Variants in ITPR3 observed in about 807,000 individuals in gnomAD.
ITPR3 encodes the protein inositol 1,4,5-trisphosphate-gated calcium channel ITPR3.
ITPR3 carries 173 observed loss-of-function variants against 293.2 expected under a neutral mutation model. The ratio of observed to expected loss-of-function variants is 0.59; its 90% CI spans 0.52 to 0.67. The LOEUF is 0.67. Among genes scored for constraint, ITPR3 ranks in the 30% least tolerant of loss-of-function variants. The pLI is 0.00. For synonymous variants in ITPR3, 1,295 were observed against 1,444.4 expected (o/e 0.90, Z 2.35); for missense variants, 2,796 against 3,592.1 (o/e 0.78, Z 5.66).
chr6:33,678,499 C>T lies in ITPR3; in HGVS notation c.3727C>T (p.Gln1243Ter). The T allele has an allele frequency of 1.2e-6, 2 of 1,613,474 alleles. No individual in the cohort carries two copies. Among genetic ancestry groups the T allele is most frequent in the Non-Finnish European group, 1.7e-6 (2 of 1,179,982 alleles). The change falls in exon 29 of 58, where the codon CAG becomes TAG. Residue 1243 changes from glutamine to a stop codon, truncating the protein, a stop_gained. Coordinates refer to ENST00000605930, the MANE Select transcript of ITPR3 (RefSeq NM_002224.4). LOFTEE classifies it high-confidence loss of function. ...GTTCTGTGCAGGGAACCCCGGCAAC[C>T]AGGCCCTGCTGCACAAACACCTGCA... is the stretch of plus-strand genomic sequence containing the variant. ...QKFCAGNPGNQALLHKHLHLF... is the reference protein window; with the variant it reads ...QKFCAGNPGN
rs941258080 is a variant in ITPR3, at chr6:33,672,767, G to A, written c.2928+539G>A. On this transcript the variant is annotated intron_variant, in intron 22 of 57. Coordinates refer to ENST00000605930, the MANE Select transcript of ITPR3 (RefSeq NM_002224.4). The surrounding 1 kb of genome is among the most constrained non-coding windows in gnomAD (Gnocchi z 5.0). Reference sequence around the variant, plus strand: ...AAGCGGGGAGGTAAAAGCGGGGGCCGGGGGGTGCTTTCCCAAGGTCACAGG... The same window carrying A: ...AAGCGGGGAGGTAAAAGCGGGGGCCAGGGGGTGCTTTCCCAAGGTCACAGG... 3.3e-5 allele frequency among the ~76,000 whole-genome samples: 5 copies of A among 152,028 alleles called. No individual in the cohort carries two copies. Among genetic ancestry groups the A allele is most frequent in the South Asian group, 2.1e-4 (1 of 4,810 alleles).
chr6:33,622,727 C>T (rs1763467499), intron 1 of ITPR3, among the ~76,000 whole-genome samples: 1 of 152,172 alleles, frequency 6.6e-6, no homozygotes, highest in African/African-American at 2.4e-5. Flanking sequence ...CTGGCACCCT[C>T]AGCTCAGGAC....
chr6:33,690,008 C>T, intron 50 of ITPR3, 26 bp from the exon 51 acceptor site: 1 of 1,613,838 alleles, frequency 6.2e-7, no homozygotes, highest in East Asian at 2.2e-5. Context: ...AGGGTGCTGA[C>T]TCTCATGCCT....
chr6:33,626,273 G>A (rs997907572), intron 1 of ITPR3, among the ~76,000 whole-genome samples: 2 of 152,104 alleles, frequency 1.3e-5, no homozygotes, highest in African/African-American at 4.8e-5. Context: ...CCTTCTCAGA[G>A]TGAGTTTCCG....
At chr6:33,674,523 G>A (rs1764855576) in intron 24 of ITPR3, among the ~76,000 whole-genome samples, 1 of 152,210 alleles carries the variant, frequency 6.6e-6, no homozygotes, top group South Asian at 2.1e-4. Flanking sequence ...CAGTGGACTT[G>A]AGTCAGGTAG....
rs570866750 is a variant in ITPR3 at position 33,680,370 on chromosome 6, G to A, written c.4266G>A (p.Val1422=). 2 of 1,477,102 alleles carry A rather than the reference G, an allele frequency of 1.4e-6. No individual in the cohort carries two copies. The highest frequency in any genetic ancestry group is 2.8e-5 in the South Asian group (2 of 71,138). 91.5% of individuals were successfully genotyped at this position (1,477,102 alleles called of 1,614,324 possible). ...AYVNFVNHCY[V]DTEVEMKEIY... is the part of the protein sequence containing the mutation. The stretch of plus-strand genomic sequence containing the variant: ...TGAACTTCGTGAACCACTGCTACGT[G>A]GACACGGAGGTGGAGATGAAGGAGA... Residue 1422 remains valine (V), a synonymous_variant, in exon 32 of 58, where the codon GTG becomes GTA. Coordinates refer to ENST00000605930, the MANE Select transcript of ITPR3 (RefSeq NM_002224.4).
In ITPR3 at chr6:33,679,567, CAG is replaced by C. The variant is rs949187370; in HGVS notation, c.3973-314_3973-313del. Among the ~76,000 whole-genome samples, 23 of 152,244 alleles carry C rather than the reference CAG, an allele frequency of 1.5e-4. No homozygotes were observed. Among genetic ancestry groups the C allele is most frequent in the Admixed American group, 1.1e-3 (17 of 15,290 alleles). ...GGTTTAAGTAACTGCTGCGGGAGCA[CAG>C]GGGAGGGAGGGGGTGAGCAAGGCGG... is the stretch of plus-strand genomic sequence containing the variant. On this transcript the variant is annotated intron_variant, in intron 30 of 57. Coordinates refer to ENST00000605930, the MANE Select transcript of ITPR3 (RefSeq NM_002224.4). This position sits in a 1 kb window ranked among gnomAD's most constrained non-coding sequence, Gnocchi z 4.2.
In ITPR3 at chr6:33,691,238, T is replaced by C. The variant is rs919769662; in HGVS notation, c.7225+129T>C. 3.9e-5 allele frequency: 34 copies of C among 862,860 alleles called. No homozygotes were observed. Among genetic ancestry groups the C allele is most frequent in the Non-Finnish European group, 5.6e-5 (31 of 551,978 alleles). 53.5% of individuals were successfully genotyped at this position (862,860 alleles called of 1,614,324 possible). On this transcript the variant is annotated intron_variant, in intron 52 of 57. Coordinates refer to ENST00000605930, the MANE Select transcript of ITPR3 (RefSeq NM_002224.4). This position sits in a 1 kb window ranked among gnomAD's most constrained non-coding sequence, Gnocchi z 4.9. ...CCCGTCTGCTTCTCCTCTTGGCTTC[T>C]GGGGACGTCTAGCTAACACCAGTCT...
At chr6:33,647,584 G>A (rs1184065166) in intron 2 of ITPR3, among the ~76,000 whole-genome samples, 2 of 151,902 alleles carry the variant, frequency 1.3e-5, no homozygotes, top group African/African-American at 2.4e-5. Flanking sequence ...GATTACTCTT[G>A]GTACCTTATA....
chr6:33,641,845 G>A (rs1438319560), intron 2 of ITPR3, among the ~76,000 whole-genome samples: 1 of 152,106 alleles, frequency 6.6e-6, no homozygotes, highest in Admixed American at 6.6e-5. Context: ...CATCTTCAGC[G>A]AGGCCTTCCC....
intron 56 of ITPR3, 117 bp downstream of exon 56, chr6:33,693,822 T>G (rs1383240076): frequency 3.3e-6 from 4 of 1,203,476 alleles, no homozygotes; most frequent in Non-Finnish European, 4.6e-6. Flanking sequence ...TGGAGAGGAG[T>G]GGCCCTATCT....
Position 33,692,096 on chromosome 6 carries a change from T to C in ITPR3, c.7458+168T>C, listed in dbSNP as rs555313018. 2.6e-5 allele frequency among the ~76,000 whole-genome samples: 4 copies of C among 152,306 alleles called. No individual in the cohort carries two copies. In the South Asian group the frequency reaches 6.2e-4, roughly 24 times the overall value. On this transcript the variant is annotated intron_variant, in intron 54 of 57. Transcript: ENST00000605930. The surrounding 1 kb of genome is among the most constrained non-coding windows in gnomAD (Gnocchi z 4.2). ...TTTCCACACCTGGCCAATTCCATGA[T>C]ATTACTGCTTAGCTGCCCCCTCACC...
intron 2 of ITPR3, among the ~76,000 whole-genome samples, chr6:33,647,219 CT>C (rs1764089629): frequency 1.3e-5 from 2 of 152,030 alleles, no homozygotes; most frequent in African/African-American, 2.4e-5. Flanking sequence ...CAGGGTTTCA[CT>C]GTGTTGCCTA....
At chr6:33,669,219 C>CAA in intron 18 of ITPR3, 63 bp downstream of exon 18, 1 of 1,513,538 alleles carries the variant, frequency 6.6e-7, no homozygotes, top group Non-Finnish European at 9.0e-7. Context: ...AGTAGGCCGT[C>CAA]AGTCAATCCC....
At position 33,678,857 on chromosome 6, in the gene ITPR3, G is replaced by A. The variant is rs755416049; in HGVS notation, c.3972+18G>A. ...TGACTGAGGTGAGGGCGGGGCTGAG[G>A]GGTGCTCAGGCATCTTGGGGTGGGG... On this transcript the variant is annotated intron_variant, in intron 30 of 57. Transcript: ENST00000605930. 33 of 1,605,010 alleles carry A rather than the reference G, an allele frequency of 2.1e-5. No homozygotes were observed. The highest frequency in any genetic ancestry group is 6.8e-5 in the Admixed American group (4 of 59,012).
chr6:33,668,974 G>A lies in ITPR3; in HGVS notation c.2007G>A (p.Glu669=). The A allele has an allele frequency of 6.2e-7, 1 of 1,613,268 alleles. No individual in the cohort carries two copies. Among genetic ancestry groups the A allele is most frequent in the Non-Finnish European group, 8.5e-7 (1 of 1,179,886 alleles). The change falls in exon 18 of 58, where the codon GAG becomes GAA. Residue 669 remains glutamate, a splice_region_variant and synonymous_variant. Transcript: ENST00000605930. ...GTGACAGGTTGCTGGTGGTCTGCAGGCTTCGGCCCGTGAAGGAGATGGCCC... is the reference window on the plus strand; with the variant it reads ...GTGACAGGTTGCTGGTGGTCTGCAGACTTCGGCCCGTGAAGGAGATGGCCC... ...PKNSDILIRT[E]LRPVKEMAQS...
At chr6:33,646,259 C>G (rs1316289330) in intron 2 of ITPR3, among the ~76,000 whole-genome samples, 1 of 152,086 alleles carries the variant, frequency 6.6e-6, no homozygotes, top group African/African-American at 2.4e-5. Context: ...TTCCCCTTCT[C>G]CAGGGGCAAC....
Position 33,680,352 on chromosome 6 carries a change from C to A in ITPR3, c.4248C>A (p.Phe1416Leu). The A allele has an allele frequency of 6.2e-7, 1 of 1,613,758 alleles. No individual in the cohort carries two copies. Among genetic ancestry groups the A allele is most frequent in the Non-Finnish European group, 8.5e-7 (1 of 1,180,012 alleles). The change falls in exon 32 of 58, where the codon TTC (phenylalanine) becomes TTA (leucine). Residue 1416 changes from phenylalanine (F) to leucine (L), a missense_variant. Around this residue, in one of 8 missense-constraint regions of ITPR3, gnomAD observed 344 missense variants for 460.3 expected, o/e 0.75. Transcript: ENST00000605930. ...ITEVKMAYVN[F>L]VNHCYVDTEV... ...AGGTGAAAATGGCCTATGTGAACTT[C>A]GTGAACCACTGCTACGTGGACACGG...
In ITPR3 at chr6:33,633,885, A is replaced by G. The variant is rs933724736; in HGVS notation, c.90-6599A>G. Among the ~76,000 whole-genome samples, 27 of 150,124 alleles carry G rather than the reference A, an allele frequency of 1.8e-4. No individual in the cohort carries two copies. Among genetic ancestry groups the G allele is most frequent in the African/African-American group, 6.6e-4 (27 of 41,174 alleles). ...GGGCGGGGCCAGGGAGGCCAGACCT[A>G]CGCTCTCCGGAGCCGCGCGGACCCA... is the stretch of plus-strand genomic sequence containing the variant. On this transcript the variant is annotated intron_variant, in intron 1 of 57. Transcript: ENST00000605930. The surrounding 1 kb of genome is among the most constrained non-coding windows in gnomAD (Gnocchi z 5.2).
Sources: allele counts gnomAD v4.1 joint callset (sites outside exome capture counted in the v4.1 genomes callset), GRCh38; gene constraint gnomAD v4.1.1; regional missense constraint gnomAD v4.1.1; non-coding constraint Gnocchi (gnomAD v3.1); transcripts MANE v1.5; gene names NCBI Gene and HGNC (gene_info 2026-07-23, HGNC 2026-07-21).